WRN: variants seen among roughly 807,000 people sequenced by gnomAD.
WRN encodes bifunctional 3'-5' exonuclease/ATP-dependent helicase WRN.
WRN carries 149 observed loss-of-function variants against 180.7 expected under a neutral mutation model. The ratio of observed to expected loss-of-function variants is 0.82; its 90% CI spans 0.72 to 0.94. WRN has a LOEUF of 0.94. WRN is among the 40% of genes least tolerant of loss of function. The probability of loss-of-function intolerance (pLI) is 0.00; values close to 1 mark genes in which losing one functional copy is unlikely to be tolerated. For synonymous variants in WRN, 548 were observed against 568.9 expected (o/e 0.96, Z 0.52); for missense variants, 1,661 against 1,700.1 (o/e 0.98, Z 0.40).
At position 31,080,781 on chromosome 8, in the gene WRN, G is replaced by A. The variant is rs1265501430; in HGVS notation, c.840-86G>A. ...TTTTAAGTGAAGGTCAGCTTAGAAA[G>A]CTTTTACTTGTTAAAAAGCTTCACA... is the stretch of plus-strand genomic sequence containing the variant. On this transcript the variant is annotated intron_variant, in intron 8 of 34. Coordinates refer to ENST00000298139, the MANE Select transcript of WRN (RefSeq NM_000553.6). The A allele has an allele frequency of 6.1e-6, 7 of 1,144,894 alleles. No individual in the cohort carries two copies. The East Asian group carries it at 1.5e-4, about 25-fold the overall frequency. 70.9% of individuals were successfully genotyped at this position (1,144,894 alleles called of 1,614,324 possible).
At position 31,132,436 on chromosome 8, in the gene WRN, T is replaced by C. The variant is rs1163062375; in HGVS notation, c.2897T>C (p.Leu966Pro). 1 of 1,614,200 alleles carries C rather than the reference T, an allele frequency of 6.2e-7. No homozygotes were observed. The highest frequency in any genetic ancestry group is 8.5e-7 in the Non-Finnish European group (1 of 1,180,024). ...SWDFGPQAFKLLSAVDILGEK... is the reference protein window; with the variant it reads ...SWDFGPQAFKPLSAVDILGEK... ...GACTTTGGTCCACAAGCATTTAAGC[T>C]TTTGTCTGCTGTGGACATCTTAGGC... Residue 966 changes from leucine (L) to proline (P), a missense_variant, in exon 24 of 35, where the codon CTT becomes CCT. By Grantham distance (98) the Leu-to-Pro change is moderately conservative. Coordinates refer to ENST00000298139, the MANE Select transcript of WRN (RefSeq NM_000553.6).
chr8:31,161,028 C>CT lies in WRN; in HGVS notation c.3982+3508dup, dbSNP rs376084414. Among the ~76,000 whole-genome samples, 653 of 148,278 alleles carry CT rather than the reference C, an allele frequency of 4.4e-3. 4 individuals carry two copies. Among genetic ancestry groups the CT allele is most frequent in the African/African-American group, 0.014 (582 of 40,582 alleles). ...GAATTTGTGCAGTTCCCCCCACCCC[C>CT]TTTTTTTTTTCTGTTGGCATTTTTG... On this transcript the variant is annotated intron_variant, in intron 33 of 34. Transcript: ENST00000298139.
At chr8:31,119,181 TCTTCTTTC>T (rs1801627010) in intron 20 of WRN, among the ~76,000 whole-genome samples, 2 of 151,864 alleles carry the variant, frequency 1.3e-5, no homozygotes, top group South Asian at 4.1e-4. Context: ...TCCTTTCTTT[TCTTCTTTC>T]CTTCTTTTCT....
chr8:31,109,087 GT>G (rs1180883212), intron 18 of WRN, among the ~76,000 whole-genome samples: 1 of 152,150 alleles, frequency 6.6e-6, no homozygotes, highest in Non-Finnish European at 1.5e-5. Context: ...CAAAATACAT[GT>G]GTTCAGGCCT....
In WRN at chr8:31,076,111, T is replaced by C. The variant is rs1166280988; in HGVS notation, c.725-62T>C. 5.3e-6 allele frequency: 7 copies of C among 1,308,664 alleles called. No individual in the cohort carries two copies. In the Admixed American group the frequency reaches 6.8e-5, roughly 13 times the overall value. 81.1% of individuals were successfully genotyped at this position (1,308,664 alleles called of 1,614,324 possible). ...TGATCCCTAATATTATTTAATGAAG[T>C]GGCTAAATGAATATCTCTGCTTTGT... On this transcript the variant is annotated intron_variant, in intron 7 of 34. Coordinates refer to ENST00000298139, the MANE Select transcript of WRN (RefSeq NM_000553.6).
intron 5 of WRN, 41 bp from the exon 6 acceptor site, chr8:31,066,992 C>T (rs1371232283): frequency 1.2e-6 from 2 of 1,610,854 alleles, no homozygotes; most frequent in South Asian, 2.2e-5. Context: ...TACCTGAAAA[C>T]AGGAACTGAT....
Position 31,067,124 on chromosome 8 carries a change from A to G in WRN, c.596A>G (p.Asn199Ser), listed in dbSNP as rs1812738746. Residue 199 changes from asparagine (N) to serine (S), a missense_variant, in exon 6 of 35, where the codon AAT (asparagine) becomes AGT (serine). Physicochemically the swap from Asn to Ser is conservative, Grantham distance 46. This residue lies in a region of WRN where 500 missense variants were observed against 504.1 expected (regional missense o/e 0.99). Transcript: ENST00000298139. ...AAAGACAAGTCTATCCGCTGTAGCA[A>G]TTGGAGTAAATTTCCTCTCACTGAG... ...LLKDKSIRCS[N>S]WSKFPLTEDQ... The G allele has an allele frequency of 6.8e-6, 11 of 1,613,984 alleles. No homozygotes were observed. Among genetic ancestry groups the G allele is most frequent in the Non-Finnish European group, 8.5e-6 (10 of 1,179,972 alleles).
At chr8:31,053,065 C>T (rs1458909509) in intron 1 of WRN, among the ~76,000 whole-genome samples, 1 of 152,230 alleles carries the variant, frequency 6.6e-6, no homozygotes, top group East Asian at 1.9e-4. Context: ...AAAAGGCATT[C>T]ATTTCAGATA....
intron 31 of WRN, among the ~76,000 whole-genome samples, chr8:31,152,043 G>A (rs889469253): frequency 6.6e-6 from 1 of 151,876 alleles, no homozygotes; most frequent in African/African-American, 2.4e-5. Context: ...CATTTTTTGA[G>A]AATTTTGAGA....
chr8:31,092,669 A>G (rs1299309816), intron 16 of WRN, among the ~76,000 whole-genome samples: 3 of 151,918 alleles, frequency 2.0e-5, no homozygotes, highest in South Asian at 4.1e-4. Flanking sequence ...GAGTTTTGAT[A>G]AATGCATACA....
chr8:31,137,380 G>A (rs932280346), intron 24 of WRN, among the ~76,000 whole-genome samples: 4 of 152,114 alleles, frequency 2.6e-5, no homozygotes, highest in African/African-American at 9.7e-5. Flanking sequence ...AGTGATTCTA[G>A]TTAGGGAACT....
chr8:31,095,812 G>A (rs1813943046), intron 16 of WRN, among the ~76,000 whole-genome samples: 1 of 152,160 alleles, frequency 6.6e-6, no homozygotes. Flanking sequence ...GGTAGCGCAA[G>A]GCCTCTTGCT....
At chr8:31,083,519 T>C (rs1288702093) in intron 9 of WRN, among the ~76,000 whole-genome samples, 180 bp from the exon 10 acceptor site, 1 of 152,020 alleles carries the variant, frequency 6.6e-6, no homozygotes, top group Non-Finnish European at 1.5e-5. Context: ...TTTGTTTCTT[T>C]GTTCATTCTT....
rs1382062377 is a variant in WRN at position 31,111,851 on chromosome 8, T to G, written c.2273+52T>G. 2.6e-6 allele frequency: 4 copies of G among 1,564,170 alleles called. No individual in the cohort carries two copies. In the East Asian group the frequency reaches 6.8e-5, roughly 26 times the overall value. ...TGGTAATGATTTCCTTTTTTTTTTT[T>G]TAACAACTTATGTATTTTATGTTAT... On this transcript the variant is annotated intron_variant, in intron 19 of 34. Transcript: ENST00000298139.
intron 3 of WRN, among the ~76,000 whole-genome samples, chr8:31,062,272 G>T (rs1347515730): frequency 6.6e-6 from 1 of 152,144 alleles, no homozygotes; most frequent in Non-Finnish European, 1.5e-5. Flanking sequence ...GCCTGAAGCA[G>T]AAGCTGAGTT....
rs1256164672 is a variant in WRN at position 31,080,937 on chromosome 8, A to G, written c.910A>G (p.Asn304Asp). 1 of 1,613,636 alleles carries G rather than the reference A, an allele frequency of 6.2e-7. No homozygotes were observed. Among genetic ancestry groups the G allele is most frequent in the African/African-American group, 1.3e-5 (1 of 74,886 alleles). ...GAGGAGGATGATAATTGGGTCTACT[A>G]ACATTGAGACTGAACTGAGGCCCAG... ...SLRRMIIGSTNIETELRPSNN... is the reference protein window; with the variant it reads ...SLRRMIIGSTDIETELRPSNN... The change falls in exon 9 of 35, where the codon AAC (asparagine) becomes GAC (aspartate). Residue 304 changes from asparagine (N) to aspartate (D), a missense_variant. This residue lies in a region of WRN where 500 missense variants were observed against 504.1 expected (regional missense o/e 0.99). Coordinates refer to ENST00000298139, the MANE Select transcript of WRN (RefSeq NM_000553.6).
At chr8:31,089,147 C>G (rs1346301305) in intron 13 of WRN, among the ~76,000 whole-genome samples, 182 bp downstream of exon 13, 2 of 152,090 alleles carry the variant, frequency 1.3e-5, no homozygotes, top group African/African-American at 4.8e-5. Context: ...AAATTCATTT[C>G]TGCAAATTGT....
chr8:31,043,385 A>AT (rs1211497460), intron 1 of WRN, among the ~76,000 whole-genome samples: 7 of 152,062 alleles, frequency 4.6e-5, no homozygotes, highest in Non-Finnish European at 1.0e-4. Context: ...GGGGAATTGG[A>AT]TTTTCCTTAA....
At chr8:31,122,539 A>G (rs1172211801) in intron 21 of WRN, among the ~76,000 whole-genome samples, 1 of 151,982 alleles carries the variant, frequency 6.6e-6, no homozygotes, top group Non-Finnish European at 1.5e-5. Flanking sequence ...GTCAAACCCC[A>G]AAGTTATTGT....
Sources: allele counts gnomAD v4.1 joint callset (sites outside exome capture counted in the v4.1 genomes callset), GRCh38; gene constraint gnomAD v4.1.1; regional missense constraint gnomAD v4.1.1; transcripts MANE v1.5; gene names NCBI Gene and HGNC (gene_info 2026-07-23, HGNC 2026-07-21).